RBM10: variants seen among roughly 807,000 people sequenced by gnomAD.
The protein encoded by RBM10 is RNA-binding protein 10.
RBM10 carries 1 observed loss-of-function variant against 84.9 expected under a neutral mutation model. That is an observed-to-expected ratio of 0.01 (90% CI 0.00 to 0.06). RBM10 has a LOEUF of 0.06. Ranked by LOEUF, RBM10 falls within the 10% of genes least tolerant of loss-of-function variation. The pLI is 1.00. For missense variants in RBM10, 438 were observed against 839.0 expected, an observed-to-expected ratio of 0.52 and a Z score of 5.90; for synonymous variants, 326 against 344.5, an observed-to-expected ratio of 0.95 and a Z score of 0.60.
At chrX:47,175,563 T>C (rs1182821329) in intron 6 of RBM10, among the ~76,000 whole-genome samples, 4 of 111,472 alleles carry the variant, frequency 3.6e-5, no homozygotes, top group African/African-American at 1.3e-4. Flanking sequence ...CATCCCTGCA[T>C]GTGAATTTGG....
chrX:47,179,881 C>T lies in RBM10; in HGVS notation c.903C>T (p.Thr301=), dbSNP rs2147172423. The T allele has an allele frequency of 8.3e-7, 1 of 1,205,783 alleles. No individual in the cohort carries two copies. The highest frequency in any genetic ancestry group is 1.1e-6 in the Non-Finnish European group (1 of 892,708). The part of the protein sequence containing the change: ...SEPSSENAND[T]IILRNLNPHS... ...CTAACATTGGGCCCCTTCCCACAGC[C>T]ATCATTTTGCGCAACCTGAACCCAC... The change falls in exon 10 of 24, where the codon ACC becomes ACT. Residue 301 remains threonine, a splice_region_variant and synonymous_variant. Coordinates refer to ENST00000377604, the MANE Select transcript of RBM10 (RefSeq NM_005676.5).
At chrX:47,179,075 C>T in intron 7 of RBM10, 28 bp from the exon 8 acceptor site, 1 of 1,202,103 alleles carries the variant, frequency 8.3e-7, no homozygotes. Flanking sequence ...TCCCTGCTCC[C>T]TCTGACGGCC....
rs782087819 is a variant in RBM10, at chrX:47,171,043, T to G, written c.217T>G (p.Ser73Ala). 8.3e-7 allele frequency: 1 copy of G among 1,210,242 alleles called. No individual in the cohort carries two copies. Among genetic ancestry groups the G allele is most frequent in the Non-Finnish European group, 1.1e-6 (1 of 894,869 alleles). ...EQSAEDSYEA[S>A]PGSETQRRRR... Reference sequence around the variant, plus strand: ...TGTCGGCCAGGATTCCTACGAGGCCTCCCCGGGCTCCGAGACTCAGCGTAG... The same window carrying G: ...TGTCGGCCAGGATTCCTACGAGGCCGCCCCGGGCTCCGAGACTCAGCGTAG... Residue 73 changes from serine (S) to alanine (A), a missense_variant, in exon 4 of 24, where the codon TCC becomes GCC. Ser to Ala is a moderately conservative substitution (Grantham distance 99). This residue lies in a region of RBM10 where 92 missense variants were observed against 134.3 expected (regional missense o/e 0.69). Transcript: ENST00000377604.
At position 47,180,261 on chromosome X, in the gene RBM10, C is replaced by T. The variant is rs1352685101; in HGVS notation, c.1112C>T (p.Thr371Ile). 4.2e-6 allele frequency: 5 copies of T among 1,203,283 alleles called. No homozygotes were observed. The highest frequency in any genetic ancestry group is 5.6e-6 in the Non-Finnish European group (5 of 891,428). ...QILQALHPPL[T>I]IDGKTINVEF... ...CTGCAGGCCCTGCACCCACCACTCA[C>T]TATCGACGGCAAGACCATCAATGTT... Residue 371 changes from threonine to isoleucine, a missense_variant, in exon 11 of 24, where the codon ACT (threonine) becomes ATT (isoleucine). By Grantham distance (89) the Thr-to-Ile change is moderately conservative. Around this residue, in one of 8 missense-constraint regions of RBM10, gnomAD observed 33 missense variants for 115.0 expected, o/e 0.29. Transcript: ENST00000377604.
chrX:47,154,830 T>A (rs1556764682), intron 2 of RBM10, among the ~76,000 whole-genome samples: 1 of 110,226 alleles, frequency 9.1e-6, no homozygotes, highest in Non-Finnish European at 1.9e-5. Flanking sequence ...GACAGTGATT[T>A]CTTCTCTAGG....
rs782473280 is a variant in RBM10 at position 47,147,444 on chromosome X, G to A, written c.-38G>A. 1.8e-5 allele frequency: 22 copies of A among 1,209,535 alleles called. No homozygotes were observed. In the South Asian group the frequency reaches 3.2e-4, roughly 17 times the overall value. On this transcript the variant is annotated 5_prime_UTR_variant, in exon 2 of 24. Coordinates refer to ENST00000377604, the MANE Select transcript of RBM10 (RefSeq NM_005676.5). Reference sequence around the variant, plus strand: ...GAAGTGAAACGGAGCCAGCGGCTGAGGAGGGGCCCCAGCAGCCCCCGAAGG... The same window carrying A: ...GAAGTGAAACGGAGCCAGCGGCTGAAGAGGGGCCCCAGCAGCCCCCGAAGG...
Position 47,185,342 on chromosome X carries a change from C to T in RBM10, c.2141C>T (p.Pro714Leu), listed in dbSNP as rs143128508. 1.7e-6 allele frequency: 2 copies of T among 1,206,978 alleles called. No homozygotes were observed. Among genetic ancestry groups the T allele is most frequent in the East Asian group, 3.0e-5 (1 of 33,444 alleles). The change falls in exon 19 of 24, where the codon CCG becomes CTG. Residue 714 changes from proline (P) to leucine (L), a missense_variant. Physicochemically the swap from Pro to Leu is moderately conservative, Grantham distance 98 (BLOSUM62 -3). This residue lies in a region of RBM10 where 21 missense variants were observed against 16.1 expected (regional missense o/e 1.30). Transcript: ENST00000377604. Reference protein sequence around the residue: ...AERQHTSMDLPKLASDDRPSP... With the variant: ...AERQHTSMDLLKLASDDRPSP... Reference sequence around the variant, plus strand: ...AGACAGCACACCAGCATGGATCTCCCGAAATTGGCCAGTGACGACCGCCCA... The same window carrying T: ...AGACAGCACACCAGCATGGATCTCCTGAAATTGGCCAGTGACGACCGCCCA...
At chrX:47,184,773 G>T (rs996804842) in intron 17 of RBM10, among the ~76,000 whole-genome samples, 9 of 111,510 alleles carry the variant, frequency 8.1e-5, no homozygotes, top group African/African-American at 2.3e-4. Context: ...GGCTGTGGTT[G>T]CGAGTTTGGG....
intron 4 of RBM10, 82 bp from the exon 5 acceptor site, chrX:47,173,046 G>T: frequency 8.3e-7 from 1 of 1,205,242 alleles, no homozygotes; most frequent in South Asian, 1.8e-5. Flanking sequence ...GACCCCTCGG[G>T]ATCCAGAGGC....
chrX:47,173,963 G>GC (rs369612603), intron 5 of RBM10, among the ~76,000 whole-genome samples: 2,273 of 52,962 alleles, frequency 0.043, 179 homozygotes, highest in African/African-American at 0.17. Context: ...CTCTCTCTCT[G>GC]CCCCCCCCAA....
chrX:47,186,730 C>A lies in RBM10; in HGVS notation c.*131C>A. 1 of 859,655 alleles carries A rather than the reference C, an allele frequency of 1.2e-6. No homozygotes were observed. The highest frequency in any genetic ancestry group is 1.7e-6 in the Non-Finnish European group (1 of 590,154). The allele number at this position is 859,655 out of a possible 1,213,427, so 70.8% of individuals were successfully genotyped here. On this transcript the variant is annotated 3_prime_UTR_variant, in exon 24 of 24. Transcript: ENST00000377604. ...ACTCCCCAGCCAGAGAGGGCTTGAC[C>A]AAATCAAATTGAGGTGGTGACTTTT...
At chrX:47,165,712 G>T (rs1173547564) in intron 2 of RBM10, among the ~76,000 whole-genome samples, 1 of 109,994 alleles carries the variant, frequency 9.1e-6, no homozygotes, top group Non-Finnish European at 1.9e-5. Flanking sequence ...CCAGCTACTC[G>T]GGAGGTTGAG....
At position 47,186,521 on chromosome X, in the gene RBM10, C is replaced by T. The variant is rs1208809798; in HGVS notation, c.2715C>T (p.Ser905=). 1 of 1,210,974 alleles carries T rather than the reference C, an allele frequency of 8.3e-7. No individual in the cohort carries two copies. Among genetic ancestry groups the T allele is most frequent in the Non-Finnish European group, 1.1e-6 (1 of 894,985 alleles). ...CCGGCCTGGGTGCACGGGGCAGCTCCTACGGGGTCACCTCAACCGAGTCCT... is the reference window on the plus strand; with the variant it reads ...CCGGCCTGGGTGCACGGGGCAGCTCTTACGGGGTCACCTCAACCGAGTCCT... ...RGSGLGARGS[S]YGVTSTESYK... is the part of the protein sequence containing the mutation. The change falls in exon 24 of 24, where the codon TCC becomes TCT. Residue 905 remains serine (S), a synonymous_variant. Transcript: ENST00000377604.
chrX:47,157,905 G>A (rs375853160), intron 2 of RBM10: 26 of 270,596 alleles, frequency 9.6e-5, no homozygotes, highest in East Asian at 6.0e-4. Context: ...TCAGCCTCCC[G>A]AGTAGCTAGG....
intron 2 of RBM10, chrX:47,157,269 G>A (rs371915133): frequency 1.5e-5 from 5 of 322,870 alleles, no homozygotes; most frequent in South Asian, 9.2e-5. Context: ...CTGGACCACG[G>A]TGTAGGACTT....
intron 2 of RBM10, among the ~76,000 whole-genome samples, chrX:47,163,324 GTAGTT>G (rs1338084951): frequency 1.8e-5 from 2 of 111,897 alleles, no homozygotes; most frequent in African/African-American, 3.2e-5. Context: ...AATATAATCT[GTAGTT>G]TAGTTAATTC....
At chrX:47,163,756 G>A (rs1007780647) in intron 2 of RBM10, among the ~76,000 whole-genome samples, 22 of 109,183 alleles carry the variant, frequency 2.0e-4, no homozygotes, top group African/African-American at 3.3e-4. Context: ...GCAGTGGCGC[G>A]ATCTCGGCTC....
At chrX:47,154,842 A>G (rs1932961039) in intron 2 of RBM10, among the ~76,000 whole-genome samples, 2 of 108,817 alleles carry the variant, frequency 1.8e-5, no homozygotes, top group African/African-American at 3.3e-5. Context: ...TTCTCTAGGC[A>G]TTTACGGTAG....
rs1602512905 is a variant in RBM10, at chrX:47,157,652, C to G, written c.17+10154C>G. Reference sequence around the variant, plus strand: ...GGTGGGCATCGATGTAGTCCTGAAACCTGTGCACCAGCTCCAGGGACTGGC... The same window carrying G: ...GGTGGGCATCGATGTAGTCCTGAAAGCTGTGCACCAGCTCCAGGGACTGGC... On this transcript the variant is annotated intron_variant, in intron 2 of 23. Coordinates refer to ENST00000377604, the MANE Select transcript of RBM10 (RefSeq NM_005676.5). The G allele has an allele frequency of 7.7e-6, 4 of 522,868 alleles. No homozygotes were observed. In the East Asian group the frequency reaches 1.3e-4, roughly 18 times the overall value. 43.1% of individuals were successfully genotyped at this position (522,868 alleles called of 1,213,427 possible). A position where few individuals can be genotyped will look rare whatever the true frequency, so the allele number is the denominator to read the frequency against.
Sources: gnomAD v4.1 joint callset for allele counts (sites outside exome capture counted in the v4.1 genomes callset) on GRCh38, gnomAD v4.1.1 for gene constraint, gnomAD v4.1.1 regional missense constraint, MANE v1.5 for transcripts, NCBI Gene and HGNC (gene_info 2026-07-23, HGNC 2026-07-21) for gene names.